CTNNA2: variants seen among roughly 807,000 people sequenced by gnomAD.
CTNNA2 encodes catenin alpha-2.
Under a neutral mutation model 101.0 loss-of-function variants are expected in CTNNA2, and 42 were observed. The observed-to-expected ratio is 0.42, with a 90% CI of 0.32 to 0.54. The LOEUF (loss-of-function observed/expected upper bound fraction) is 0.54. CTNNA2 is among the 20% of genes least tolerant of loss of function. The pLI is 0.14. For missense variants in CTNNA2, 871 were observed against 1,223.1 expected (o/e 0.71, Z 4.29); for synonymous variants, 450 against 456.4 (o/e 0.99, Z 0.18).
intron 1 of CTNNA2, among the ~76,000 whole-genome samples, chr2:79,190,132 AT>A (rs1466825877): frequency 1.3e-5 from 2 of 152,108 alleles, no homozygotes; most frequent in African/African-American, 2.4e-5. Flanking sequence ...TGACCCATGG[AT>A]TGTTTAAAAC....
At chr2:79,618,539 CA>C (rs1678789973) in intron 1 of CTNNA2, among the ~76,000 whole-genome samples, 1 of 152,102 alleles carries the variant, frequency 6.6e-6, no homozygotes, top group Admixed American at 6.5e-5. Flanking sequence ...GCTCTGGAAA[CA>C]GGGTCACCTC....
chr2:80,031,440 G>A (rs1695280358), intron 7 of CTNNA2, among the ~76,000 whole-genome samples: 1 of 152,158 alleles, frequency 6.6e-6, no homozygotes, highest in Non-Finnish European at 1.5e-5. Flanking sequence ...TACATTGATG[G>A]CAGCAGGCAA....
chr2:79,553,560 G>T (rs1025310621), intron 1 of CTNNA2, among the ~76,000 whole-genome samples: 1 of 152,188 alleles, frequency 6.6e-6, no homozygotes, highest in Admixed American at 6.5e-5. Flanking sequence ...AAGCATGGCT[G>T]GAGGGGCCTC....
At chr2:80,419,731 C>A in intron 9 of CTNNA2, 130 bp downstream of exon 9, 1 of 937,926 alleles carries the variant, frequency 1.1e-6, no homozygotes, top group Non-Finnish European at 1.5e-6. Context: ...TCATTCTTTC[C>A]TTTACTTTCT....
intron 4 of CTNNA2, among the ~76,000 whole-genome samples, chr2:79,428,403 G>A (rs1678614819): frequency 6.6e-6 from 1 of 151,938 alleles, no homozygotes; most frequent in Non-Finnish European, 1.5e-5. Flanking sequence ...TTGGAACAAA[G>A]ACGAGAATAA....
At chr2:79,949,263 T>C (rs528617135) in intron 7 of CTNNA2, among the ~76,000 whole-genome samples, 1 of 152,318 alleles carries the variant, frequency 6.6e-6, no homozygotes, top group East Asian at 1.9e-4. Flanking sequence ...TTAGATTTGA[T>C]GAAGGAATAA....
intron 7 of CTNNA2, among the ~76,000 whole-genome samples, chr2:80,316,229 A>G (rs1397967395): frequency 6.6e-6 from 1 of 152,086 alleles, no homozygotes. Flanking sequence ...TTTATGCTCA[A>G]TTGTCCTGTG....
intron 7 of CTNNA2, among the ~76,000 whole-genome samples, chr2:80,235,392 A>T (rs1709492728): frequency 6.6e-6 from 1 of 152,170 alleles, no homozygotes; most frequent in Non-Finnish European, 1.5e-5. Flanking sequence ...CTCTTGAAGG[A>T]ACTATCAATC....
At chr2:80,544,188 T>C (rs1691832980) in intron 9 of CTNNA2, among the ~76,000 whole-genome samples, 1 of 151,886 alleles carries the variant, frequency 6.6e-6, no homozygotes, top group Non-Finnish European at 1.5e-5. Context: ...CCTTCCCTCC[T>C]TGGTTCCTGG....
Position 79,613,329 on chromosome 2 carries a change from C to T in CTNNA2, c.-5-38223C>T, listed in dbSNP as rs188836533. ...TTCAGTTAGATAATTTCCGAGTTTT[C>T]TTAATGTGGATGTATTCTTTGGTTT... On this transcript the variant is annotated intron_variant, in intron 1 of 18. Transcript: ENST00000402739. Among the ~76,000 whole-genome samples, 94 of 150,822 alleles carry T rather than the reference C, an allele frequency of 6.2e-4. No individual in the cohort carries two copies. The East Asian group carries it at 0.017, about 27-fold the overall frequency.
chr2:80,611,424 A>G (rs1698461672), intron 17 of CTNNA2, among the ~76,000 whole-genome samples: 1 of 151,710 alleles, frequency 6.6e-6, no homozygotes, highest in Non-Finnish European at 1.5e-5. Context: ...AGTAATGTCC[A>G]TTAAATGTGA....
intron 7 of CTNNA2, among the ~76,000 whole-genome samples, chr2:80,098,321 G>C (rs1700300291): frequency 1.3e-5 from 2 of 152,316 alleles, no homozygotes; most frequent in South Asian, 4.1e-4. Context: ...CAGAACAGCG[G>C]ATATTGGTGA....
intron 9 of CTNNA2, among the ~76,000 whole-genome samples, chr2:80,469,417 C>A (rs190578639): frequency 2.0e-5 from 3 of 152,208 alleles, no homozygotes; most frequent in Non-Finnish European, 2.9e-5. Context: ...GATAGACAGA[C>A]TTTTCCAGCT....
At chr2:79,965,006 G>A (rs1393439059) in intron 7 of CTNNA2, among the ~76,000 whole-genome samples, 2 of 152,220 alleles carry the variant, frequency 1.3e-5, no homozygotes, top group African/African-American at 4.8e-5. Flanking sequence ...CTCCATTAAA[G>A]TATAACTTTT....
intron 7 of CTNNA2, among the ~76,000 whole-genome samples, chr2:80,195,820 C>A (rs1477633394): frequency 1.3e-5 from 2 of 152,034 alleles, no homozygotes; most frequent in African/African-American, 2.4e-5. Context: ...GTGGCTCACA[C>A]CTGTAATCCC....
At chr2:80,465,994 C>T (rs1684821618) in intron 9 of CTNNA2, among the ~76,000 whole-genome samples, 1 of 152,072 alleles carries the variant, frequency 6.6e-6, no homozygotes, top group Non-Finnish European at 1.5e-5. Flanking sequence ...GCATGAGGGG[C>T]CACAAGTTAT....
At chr2:80,217,331 A>T (rs1708330196) in intron 7 of CTNNA2, among the ~76,000 whole-genome samples, 1 of 152,090 alleles carries the variant, frequency 6.6e-6, no homozygotes, top group Admixed American at 6.5e-5. Flanking sequence ...CCTCTTCATC[A>T]GGAACCCAGT....
At chr2:80,511,034 C>A (rs1232490281) in intron 9 of CTNNA2, among the ~76,000 whole-genome samples, 1 of 152,136 alleles carries the variant, frequency 6.6e-6, no homozygotes, top group Non-Finnish European at 1.5e-5. Flanking sequence ...GCTTTGGTGG[C>A]AACTTACAAA....
intron 1 of CTNNA2, among the ~76,000 whole-genome samples, chr2:79,559,730 AG>A (rs1448652237): frequency 6.6e-6 from 1 of 151,864 alleles, no homozygotes; most frequent in Non-Finnish European, 1.5e-5. Context: ...AGAATTCTAC[AG>A]GAGCTTGGAA....
Sources: allele counts gnomAD v4.1 joint callset (sites outside exome capture counted in the v4.1 genomes callset), GRCh38; gene constraint gnomAD v4.1.1; transcripts MANE v1.5; gene names NCBI Gene and HGNC (gene_info 2026-07-23, HGNC 2026-07-21).